The following CFAP92 variants were observed in gnomAD, a reference collection of about 807,000 sequenced individuals.
CFAP92 encodes the protein uncharacterized protein CFAP92.
A neutral mutation model predicts 106.3 loss-of-function variants in CFAP92; 86 were observed. The observed-to-expected ratio is 0.81, with a 90% CI of 0.68 to 0.97. The LOEUF (loss-of-function observed/expected upper bound fraction) is 0.97. Among genes scored for constraint, CFAP92 ranks in the 50% least tolerant of loss-of-function variants. CFAP92 has a pLI of 0.00. For synonymous variants in CFAP92, 477 were observed against 506.4 expected, an observed-to-expected ratio of 0.94 and a Z score of 0.78; for missense variants, 1,204 against 1,283.8, an observed-to-expected ratio of 0.94 and a Z score of 0.95.
chr3:129,012,666 AC>A, the CFAP92 span, among the ~76,000 whole-genome samples: 1 of 152,178 alleles, frequency 6.6e-6, no homozygotes, highest in Non-Finnish European at 1.5e-5. Context: ...CACACGCTCA[AC>A]CCTGAAGTGG....
chr3:128,979,947 A>ATATATATATATATATAT (rs1553758975), intron 4 of CFAP92, among the ~76,000 whole-genome samples: 4 of 128,306 alleles, frequency 3.1e-5, no homozygotes, highest in African/African-American at 1.2e-4. Context: ...AAAGTATAAT[A>ATATATATATATATATAT]ATATATATAT....
intron 1 of CFAP92, chr3:129,001,794 G>C (rs1559951388): frequency 1.3e-6 from 2 of 1,544,906 alleles, no homozygotes; most frequent in Middle Eastern, 3.4e-4. Flanking sequence ...CACCGGCCTG[G>C]ACCAGTACCT....
chr3:128,911,380 G>T (rs1201302374), intron 15 of CFAP92, among the ~76,000 whole-genome samples: 1 of 151,922 alleles, frequency 6.6e-6, no homozygotes, highest in Admixed American at 6.6e-5. Flanking sequence ...TTTAGATTGA[G>T]CAAGTGCAGA....
rs1380606667 is a variant in CFAP92 at position 128,953,615 on chromosome 3, C to G, written c.1354-7640G>C. Among the ~76,000 whole-genome samples, 1,144 of 129,492 alleles carry G rather than the reference C, an allele frequency of 8.8e-3. 83 individuals carry two copies. The highest frequency in any genetic ancestry group is 0.038 in the African/African-American group (1,067 of 27,930). The allele number at this position is 129,492 out of a possible 152,430, so 85.0% of individuals were successfully genotyped here. On this transcript the variant is annotated intron_variant, in intron 9 of 15. Coordinates refer to ENST00000645291, the MANE Select transcript of CFAP92 (RefSeq NM_001394090.1). Reference sequence around the variant, plus strand: ...CCTCTCCCTCCCCCTCTCCCTCTCCCTCTCCCTCCCTCTCCGTCTCCCTCT... The same window carrying G: ...CCTCTCCCTCCCCCTCTCCCTCTCCGTCTCCCTCCCTCTCCGTCTCCCTCT...
At position 128,940,588 on chromosome 3, in the gene CFAP92, G is replaced by C. The variant is rs1208746235; in HGVS notation, c.2258+4483C>G. The stretch of plus-strand genomic sequence containing the variant: ...GAAGTAGAAAATTCAGTGTTTTTTA[G>C]TGTATTTATTCCCCACCAATTTTGC... On this transcript the variant is annotated intron_variant, in intron 10 of 15. Coordinates refer to ENST00000645291, the MANE Select transcript of CFAP92 (RefSeq NM_001394090.1). Among the ~76,000 whole-genome samples, 3 of 152,120 alleles carry C rather than the reference G, an allele frequency of 2.0e-5. 1 individual carries two copies. The highest frequency in any genetic ancestry group is 2.0e-4 in the Admixed American group (3 of 15,262).
chr3:129,003,669 C>T, upstream of CFAP92: 1 of 975,654 alleles, frequency 1.0e-6, no homozygotes, highest in Non-Finnish European at 1.3e-6. Flanking sequence ...CGGAAGCAGA[C>T]GGCGCAAGAA....
intron 15 of CFAP92, 94 bp from the exon 16 acceptor site, chr3:128,910,427 A>G: frequency 7.7e-7 from 1 of 1,298,952 alleles, no homozygotes; most frequent in Non-Finnish European, 1.0e-6. Context: ...GCTGTGCTGG[A>G]GGGAGGCGGG....
In CFAP92 at chr3:128,993,341, C is replaced by A. The variant is rs755871174; in HGVS notation, c.-32-5G>T. On this transcript the variant is annotated splice_polypyrimidine_tract_variant and splice_region_variant and intron_variant, in intron 1 of 15. Coordinates refer to ENST00000645291, the MANE Select transcript of CFAP92 (RefSeq NM_001394090.1). ...CACTGCTGGCCGCCGGCGCTCCTGGCAGGGAGAAAGTGAAGGCTGTCCCCG... is the reference window on the plus strand; with the variant it reads ...CACTGCTGGCCGCCGGCGCTCCTGGAAGGGAGAAAGTGAAGGCTGTCCCCG... The A allele has an allele frequency of 6.3e-7, 1 of 1,578,640 alleles. No individual in the cohort carries two copies. Among genetic ancestry groups the A allele is most frequent in the Admixed American group, 1.8e-5 (1 of 55,008 alleles).
intron 12 of CFAP92, among the ~76,000 whole-genome samples, chr3:128,924,418 T>C (rs921649542): frequency 2.1e-5 from 3 of 143,456 alleles, no homozygotes; most frequent in African/African-American, 7.7e-5. Flanking sequence ...CCCAGGCTCA[T>C]AGAACGATTG....
In CFAP92 at chr3:128,910,138, C is replaced by T. The variant is rs1204240092; in HGVS notation, c.*161G>A. ...CTCCATCCGCATTGGGCTCCGCAAC[C>T]ACGACCACGAGGTGAGCCCAGCCCA... On this transcript the variant is annotated 3_prime_UTR_variant, in exon 16 of 16. Transcript: ENST00000645291. 1 of 1,614,066 alleles carries T rather than the reference C, an allele frequency of 6.2e-7. No individual in the cohort carries two copies. The highest frequency in any genetic ancestry group is 2.2e-5 in the East Asian group (1 of 44,890).
At position 128,971,706 on chromosome 3, in the gene CFAP92, A is replaced by T. The variant is rs969620671; in HGVS notation, c.1022-273T>A. 9.2e-5 allele frequency among the ~76,000 whole-genome samples: 14 copies of T among 152,240 alleles called. 1 individual carries two copies. Among genetic ancestry groups the T allele is most frequent in the Admixed American group, 5.9e-4 (9 of 15,280 alleles). On this transcript the variant is annotated intron_variant, in intron 7 of 15. Transcript: ENST00000645291. ...ACACAGACAGAAGAGAACTAAGGTCATCATGACAATGATGCCATAACACAC... is the reference window on the plus strand; with the variant it reads ...ACACAGACAGAAGAGAACTAAGGTCTTCATGACAATGATGCCATAACACAC...
upstream of CFAP92, among the ~76,000 whole-genome samples, chr3:129,003,527 TCGTGTCTCAGTTTCCTTCAGTGAAAAAA>T (rs1271840103): frequency 1.3e-5 from 2 of 150,532 alleles, no homozygotes; most frequent in Non-Finnish European, 3.0e-5. Context: ...AATACAGGCG[TCGTGTCTCAGTTTCCTTCAGTGAAAAAA>T]CGTTGGGGGG....
intron 15 of CFAP92, chr3:128,910,727 C>G (rs1427643432): frequency 1.9e-6 from 3 of 1,614,016 alleles, no homozygotes; most frequent in Non-Finnish European, 2.5e-6. Context: ...CTTTTCTGTC[C>G]TCGGTTCTGG....
At position 128,988,752 on chromosome 3, in the gene CFAP92, T is replaced by C. The variant is rs763587633; in HGVS notation, c.429A>G (p.Lys143=). The C allele has an allele frequency of 1.2e-5, 20 of 1,613,540 alleles. No individual in the cohort carries two copies. The highest frequency in any genetic ancestry group is 3.3e-5 in the Admixed American group (2 of 59,996). Reference sequence around the variant, plus strand: ...CCTTTACTCCTGACTCCAGGAATACTTTGGCCACCATTGGAAATAGCAATA... The same window carrying C: ...CCTTTACTCCTGACTCCAGGAATACCTTGGCCACCATTGGAAATAGCAATA... ...VDILLFPMVA[K]VFLESGVKTV... Residue 143 remains lysine, a synonymous_variant, in exon 3 of 16, where the codon AAA becomes AAG. Coordinates refer to ENST00000645291, the MANE Select transcript of CFAP92 (RefSeq NM_001394090.1).
At chr3:128,993,871 G>T in intron 1 of CFAP92, 109 bp downstream of exon 1, 1 of 845,482 alleles carries the variant, frequency 1.2e-6, no homozygotes, top group Non-Finnish European at 1.4e-6. Flanking sequence ...GGAACGCCGG[G>T]CAAACGCCGA....
intron 9 of CFAP92, among the ~76,000 whole-genome samples, chr3:128,957,165 C>CA (rs1002479890): frequency 6.6e-6 from 1 of 152,026 alleles, no homozygotes; most frequent in South Asian, 2.1e-4. Flanking sequence ...AAGGAAATGA[C>CA]AAAAGAAGTC....
chr3:129,015,347 C>T, the CFAP92 span, among the ~76,000 whole-genome samples: 8 of 152,160 alleles, frequency 5.3e-5, no homozygotes, highest in African/African-American at 7.2e-5. Context: ...CTCTTCCTAA[C>T]GTCTTTCACG....
intron 8 of CFAP92, chr3:128,971,064 G>C (rs1383344373): frequency 1.5e-5 from 9 of 607,932 alleles, no homozygotes; most frequent in Non-Finnish European, 2.5e-5. Context: ...TTCAAGTCCA[G>C]GCTTCACATT....
chr3:129,009,136 A>G, the CFAP92 span, among the ~76,000 whole-genome samples: 1 of 152,030 alleles, frequency 6.6e-6, no homozygotes, highest in African/African-American at 2.4e-5. Context: ...ACTTCTCCCA[A>G]CTTAGTTCCA....
Sources: allele counts gnomAD v4.1 joint callset (sites outside exome capture counted in the v4.1 genomes callset), GRCh38; gene constraint gnomAD v4.1.1; transcripts MANE v1.5; gene names NCBI Gene and HGNC (gene_info 2026-07-23, HGNC 2026-07-21).